The following MITD1 variants were observed in gnomAD, a reference collection of about 807,000 sequenced individuals.
MITD1 encodes the protein MIT domain-containing protein 1.
In MITD1, 24 loss-of-function variants were observed where a neutral mutation model predicts 34.9. The observed-to-expected ratio is 0.69, with a 90% CI of 0.50 to 0.97. The LOEUF (loss-of-function observed/expected upper bound fraction) is 0.97. Among genes scored for constraint, MITD1 ranks in the 50% least tolerant of loss-of-function variants. MITD1 has a pLI of 0.00. For missense variants in MITD1, 266 were observed against 294.6 expected (o/e 0.90, Z 0.71); for synonymous variants, 102 against 101.4 (o/e 1.01, Z -0.04).
At chr2:99,166,325 A>C (rs572570057), downstream of MITD1, among the ~76,000 whole-genome samples, 22 of 152,224 alleles carry the variant, frequency 1.4e-4, no homozygotes, top group Non-Finnish European at 2.9e-4. Context: ...CAACTGGGTC[A>C]AATGCTTCTG....
intron 2 of MITD1, chr2:99,173,260 G>C (rs1204533678): frequency 3.6e-6 from 1 of 278,698 alleles, no homozygotes; most frequent in Admixed American, 3.9e-5. Flanking sequence ...AAGAAAAGCT[G>C]GGGCCTGGGG....
At chr2:99,180,193 A>G (rs889817962) in intron 1 of MITD1, among the ~76,000 whole-genome samples, 7 of 152,024 alleles carry the variant, frequency 4.6e-5, no homozygotes, top group Admixed American at 1.3e-4. Context: ...TTTAAGAAAA[A>G]CTTTTCTTCT....
downstream of MITD1, among the ~76,000 whole-genome samples, chr2:99,164,525 AGT>A (rs1244303549): frequency 7.9e-6 from 1 of 126,358 alleles, no homozygotes; most frequent in Non-Finnish European, 1.8e-5. Flanking sequence ...ATATCTCAGT[AGT>A]TCCAGGCCCC....
chr2:99,176,831 AAATACCCTTTTCCAAG>A (rs1299188606), intron 1 of MITD1, among the ~76,000 whole-genome samples: 1 of 152,130 alleles, frequency 6.6e-6, no homozygotes, highest in Non-Finnish European at 1.5e-5. Context: ...CCCAGCCCTG[AAATACCCTTTTCCAAG>A]GAGCCTCGGT....
chr2:99,165,071 T>TATATAG (rs1438819535), downstream of MITD1, among the ~76,000 whole-genome samples: 1 of 147,632 alleles, frequency 6.8e-6, no homozygotes, highest in Non-Finnish European at 1.5e-5. Context: ...CATATATATA[T>TATATAG]AGTCTTATTT....
chr2:99,165,019 TACACACACACACACACACACACACAC>T (rs56958044), downstream of MITD1, among the ~76,000 whole-genome samples: 55 of 136,766 alleles, frequency 4.0e-4, no homozygotes, highest in African/African-American at 1.1e-3. Context: ...CAAAATGGCA[TACACACACACACACACACACACACAC>T]ACACACACAC....
chr2:99,165,601 T>C (rs1379818608), downstream of MITD1, among the ~76,000 whole-genome samples: 5 of 152,190 alleles, frequency 3.3e-5, no homozygotes, highest in Non-Finnish European at 7.3e-5. Context: ...TTTTAGACTT[T>C]TATAATTCAT....
At chr2:99,165,544 A>T, downstream of MITD1, among the ~76,000 whole-genome samples, 4 of 152,320 alleles carry the variant, frequency 2.6e-5, no homozygotes, top group Middle Eastern at 0.01. Flanking sequence ...TATAAATTTG[A>T]GGGCTGACCG....
At chr2:99,163,978 T>C (rs1275306716) in intron 7 of MITD1, among the ~76,000 whole-genome samples, 1 of 152,214 alleles carries the variant, frequency 6.6e-6, no homozygotes, top group East Asian at 1.9e-4. Context: ...TCTCATTTGC[T>C]TCTCTCCTTT....
chr2:99,177,634 G>A (rs994626696), intron 1 of MITD1, among the ~76,000 whole-genome samples: 1 of 151,858 alleles, frequency 6.6e-6, no homozygotes, highest in Non-Finnish European at 1.5e-5. Context: ...ACCCTATTGT[G>A]TAATAAGACA....
chr2:99,170,373 G>A (rs991271998), intron 5 of MITD1, among the ~76,000 whole-genome samples, 164 bp downstream of exon 5: 25 of 151,764 alleles, frequency 1.6e-4, no homozygotes, highest in Admixed American at 5.9e-4. Context: ...AGAAAGCCAA[G>A]TGTTTTTTTT....
intron 7 of MITD1, chr2:99,162,490 G>A: frequency 1.2e-6 from 2 of 1,614,074 alleles, no homozygotes; most frequent in Admixed American, 1.7e-5. Flanking sequence ...TATCACCATT[G>A]CACTTTATTA....
intron 1 of MITD1, among the ~76,000 whole-genome samples, chr2:99,175,979 C>T (rs987710204): frequency 6.6e-6 from 1 of 152,190 alleles, no homozygotes; most frequent in African/African-American, 2.4e-5. Context: ...CTGGCTCTGT[C>T]GCCCAGGCTG....
chr2:99,166,494 A>AAT (rs1261809664), downstream of MITD1, among the ~76,000 whole-genome samples: 1 of 151,352 alleles, frequency 6.6e-6, no homozygotes, highest in Non-Finnish European at 1.5e-5. Context: ...AAGAAAAAAA[A>AAT]AAAAAAAAAC....
At chr2:99,178,023 T>G (rs2105230007) in intron 1 of MITD1, among the ~76,000 whole-genome samples, 1 of 152,358 alleles carries the variant, frequency 6.6e-6, no homozygotes, top group South Asian at 2.1e-4. Flanking sequence ...ATGACAGGAT[T>G]TCATTTTTTA....
At chr2:99,164,227 C>T (rs964186505) in intron 7 of MITD1, among the ~76,000 whole-genome samples, 2 of 152,184 alleles carry the variant, frequency 1.3e-5, no homozygotes, top group Non-Finnish European at 2.9e-5. Context: ...TTTCACTACT[C>T]TTACCTTGTC....
chr2:99,171,216 A>G, intron 4 of MITD1, 127 bp downstream of exon 4: 1 of 715,492 alleles, frequency 1.4e-6, no homozygotes, highest in Non-Finnish European at 2.4e-6. Flanking sequence ...GCATACTGTT[A>G]GATAATAAGT....
intron 2 of MITD1, chr2:99,173,237 A>T (rs1177202768): frequency 3.9e-6 from 1 of 255,280 alleles, no homozygotes; most frequent in Non-Finnish European, 8.4e-6. Context: ...GGGGTGTAGA[A>T]AGTATAGAGA....
In MITD1 at chr2:99,181,015, A is replaced by G; in HGVS notation, c.-34T>C. 1 of 1,601,138 alleles carries G rather than the reference A, an allele frequency of 6.2e-7. No individual in the cohort carries two copies. The highest frequency in any genetic ancestry group is 8.5e-7 in the Non-Finnish European group (1 of 1,173,048). Reference sequence around the variant, plus strand: ...AAGTTCTCCTCCGCCTCAACCCAGGATGAAGTTGAGCGGGTCTGCTGCGCT... The same window carrying G: ...AAGTTCTCCTCCGCCTCAACCCAGGGTGAAGTTGAGCGGGTCTGCTGCGCT... On this transcript the variant is annotated 5_prime_UTR_variant, in exon 1 of 7. Transcript: ENST00000289359.
Sources: allele counts gnomAD v4.1 joint callset (sites outside exome capture counted in the v4.1 genomes callset), GRCh38; gene constraint gnomAD v4.1.1; transcripts MANE v1.5; gene names NCBI Gene and HGNC (gene_info 2026-07-23, HGNC 2026-07-21).